The following UBE2K variants were observed in gnomAD, a reference collection of about 807,000 sequenced individuals.
The protein encoded by UBE2K is ubiquitin-conjugating enzyme E2 K.
In UBE2K, 6 loss-of-function variants were observed where a neutral mutation model predicts 30.0. The ratio of observed to expected loss-of-function variants is 0.20; its 90% confidence interval spans 0.11 to 0.39. UBE2K has a LOEUF of 0.39. Among genes scored for constraint, UBE2K ranks in the 10% least tolerant of loss-of-function variants. The pLI is 1.00. For missense variants in UBE2K, 61 were observed against 241.6 expected (o/e 0.25, Z 4.96); for synonymous variants, 86 against 83.7 (o/e 1.03, Z -0.15).
chr4:39,704,278 T>TA lies in UBE2K; in HGVS notation c.63+5891dup, dbSNP rs757877493. On this transcript the variant is annotated intron_variant, in intron 1 of 6. Coordinates refer to ENST00000261427, the MANE Select transcript of UBE2K (RefSeq NM_005339.5). ...CTCCAAATAGTAAAAAAGTGGTTTT[T>TA]AAAGTTTTTATTTTTATTTTATTTT... Among the ~76,000 whole-genome samples, 240 of 152,192 alleles carry TA rather than the reference T, an allele frequency of 1.6e-3. 1 individual carries two copies. The highest frequency in any genetic ancestry group is 2.9e-3 in the Non-Finnish European group (196 of 67,974).
At chr4:39,769,213 G>GTTTTTTTTTTTTTTCTTTT (rs1712566882) in intron 4 of UBE2K, among the ~76,000 whole-genome samples, 2 of 128,690 alleles carry the variant, frequency 1.6e-5, no homozygotes, top group African/African-American at 5.8e-5. Context: ...GTTTCTTTTT[G>GTTTTTTTTTTTTTTCTTTT]TTTTTTTTTT....
chr4:39,770,614 T>C, intron 4 of UBE2K: 2 of 1,593,772 alleles, frequency 1.3e-6, no homozygotes, highest in Non-Finnish European at 8.5e-7. Context: ...AACAGCAGGC[T>C]CTCCCCTTCT....
chr4:39,714,892 C>G (rs2109318123), intron 1 of UBE2K, among the ~76,000 whole-genome samples: 2 of 151,584 alleles, frequency 1.3e-5, no homozygotes, highest in Admixed American at 1.3e-4. Context: ...CACACGCTTA[C>G]CCAGGATAGA....
At chr4:39,755,824 ATATAT>A in intron 4 of UBE2K, 85 bp downstream of exon 4, 1 of 999,364 alleles carries the variant, frequency 1.0e-6, no homozygotes, top group South Asian at 1.4e-5. Context: ...GCCTCAAAAC[ATATAT>A]TATACTTTAT....
chr4:39,748,555 G>A (rs1046396093), intron 3 of UBE2K, among the ~76,000 whole-genome samples: 4 of 151,524 alleles, frequency 2.6e-5, no homozygotes, highest in Non-Finnish European at 4.4e-5. Flanking sequence ...CAAGGCAGGA[G>A]AAGCGTTTGA....
At chr4:39,733,816 T>C (rs1178875544) in intron 1 of UBE2K, among the ~76,000 whole-genome samples, 1 of 152,206 alleles carries the variant, frequency 6.6e-6, no homozygotes, top group East Asian at 1.9e-4. Flanking sequence ...AGCACACATA[T>C]GTCTTACTCC....
chr4:39,737,034 G>T (rs991563140), intron 1 of UBE2K, among the ~76,000 whole-genome samples: 6 of 152,144 alleles, frequency 3.9e-5, no homozygotes, highest in Non-Finnish European at 7.4e-5. Flanking sequence ...CCCATGTATC[G>T]TGGGGGTATA....
At chr4:39,751,044 C>G (rs1177890916) in intron 3 of UBE2K, among the ~76,000 whole-genome samples, 1 of 151,858 alleles carries the variant, frequency 6.6e-6, no homozygotes, top group Non-Finnish European at 1.5e-5. Flanking sequence ...CCACGCCTGG[C>G]CCCTGAAGAT....
intron 1 of UBE2K, among the ~76,000 whole-genome samples, chr4:39,700,002 A>G (rs1310475798): frequency 2.0e-5 from 3 of 152,178 alleles, no homozygotes; most frequent in Non-Finnish European, 4.4e-5. Context: ...TAGTTGACAT[A>G]TATACTCCTA....
rs1717801973 is a variant in UBE2K at position 39,698,265 on chromosome 4, G to GGCGGTGGCGGTGGTCGTA, written c.-52_-35dup. ...AGGAGGCGGTGGAGGAAGAGGTGGC[G>GGCGGTGGCGGTGGTCGTA]GCGGTGGCGGTGGTCGTAGCGGTGG... is the stretch of plus-strand genomic sequence containing the variant. On this transcript the variant is annotated 5_prime_UTR_variant, in exon 1 of 7. Transcript: ENST00000261427. 1 of 1,511,338 alleles carries GGCGGTGGCGGTGGTCGTA rather than the reference G, an allele frequency of 6.6e-7. No individual in the cohort carries two copies. Among genetic ancestry groups the GGCGGTGGCGGTGGTCGTA allele is most frequent in the African/African-American group, 1.4e-5 (1 of 73,038 alleles). The allele number at this position is 1,511,338 out of a possible 1,614,324, so 93.6% of individuals were successfully genotyped here. A position where few individuals can be genotyped will look rare whatever the true frequency, so the allele number is the denominator to read the frequency against.
At chr4:39,770,302 G>A in intron 4 of UBE2K, 1 of 1,612,500 alleles carries the variant, frequency 6.2e-7, no homozygotes, top group Non-Finnish European at 8.5e-7. Flanking sequence ...CCGCACGAGT[G>A]TGACTTGACA....
At chr4:39,763,665 C>CTCTCCCCAGGCTCCACT (rs1712123216) in intron 4 of UBE2K, among the ~76,000 whole-genome samples, 1 of 151,424 alleles carries the variant, frequency 6.6e-6, no homozygotes, top group African/African-American at 2.5e-5. Context: ...CAGGCTCCAC[C>CTCTCCCCAGGCTCCACT]GCCAACACTG....
intron 1 of UBE2K, among the ~76,000 whole-genome samples, chr4:39,720,677 TATAG>T (rs1719370827): frequency 6.6e-6 from 1 of 152,254 alleles, no homozygotes; most frequent in African/African-American, 2.4e-5. Context: ...TCTGTATACG[TATAG>T]ATAGTTAATA....
At chr4:39,708,603 T>C (rs1334304194) in intron 1 of UBE2K, among the ~76,000 whole-genome samples, 1 of 152,062 alleles carries the variant, frequency 6.6e-6, no homozygotes, top group East Asian at 1.9e-4. Context: ...TTTGAAAGTT[T>C]TCAAAAGATG....
intron 3 of UBE2K, among the ~76,000 whole-genome samples, chr4:39,746,528 A>G (rs1355350973): frequency 6.6e-6 from 1 of 152,154 alleles, no homozygotes; most frequent in East Asian, 1.9e-4. Flanking sequence ...AAATCTTCCT[A>G]GAGTTCAGTT....
At chr4:39,752,937 C>T (rs962883046) in intron 3 of UBE2K, among the ~76,000 whole-genome samples, 2 of 151,996 alleles carry the variant, frequency 1.3e-5, no homozygotes, top group Admixed American at 6.6e-5. Flanking sequence ...GGAGGATTGC[C>T]TGAGCCCAGA....
rs868054944 is a variant in UBE2K, at chr4:39,771,435, A to G, written c.300-3399A>G. On this transcript the variant is annotated intron_variant, in intron 4 of 6. Coordinates refer to ENST00000261427, the MANE Select transcript of UBE2K (RefSeq NM_005339.5). ...AGCGCAGGACTTCACCCCAGAGGCCATTGTGGCGGGGGTGGGCAACCCTGG... is the reference window on the plus strand; with the variant it reads ...AGCGCAGGACTTCACCCCAGAGGCCGTTGTGGCGGGGGTGGGCAACCCTGG... The G allele has an allele frequency of 9.4e-6, 15 of 1,591,976 alleles. No homozygotes were observed. The African/African-American group carries it at 1.5e-4, about 16-fold the overall frequency.
chr4:39,725,514 T>C (rs141823675), intron 1 of UBE2K, among the ~76,000 whole-genome samples: 1 of 152,214 alleles, frequency 6.6e-6, no homozygotes, highest in Non-Finnish European at 1.5e-5. Context: ...TCCTCCTTAG[T>C]TGAGATTGGA....
chr4:39,744,946 A>G (rs928588813), intron 2 of UBE2K, among the ~76,000 whole-genome samples: 1 of 150,580 alleles, frequency 6.6e-6, no homozygotes, highest in African/African-American at 2.4e-5. Context: ...AAATAAATAA[A>G]TAAATAAATG....
Sources: gnomAD v4.1 joint callset for allele counts (sites outside exome capture counted in the v4.1 genomes callset) on GRCh38, gnomAD v4.1.1 for gene constraint, MANE v1.5 for transcripts, NCBI Gene and HGNC (gene_info 2026-07-23, HGNC 2026-07-21) for gene names.